The following RCHY1 variants were observed in gnomAD, a reference collection of about 807,000 sequenced individuals.
RCHY1 encodes the protein RING finger and CHY zinc finger domain-containing protein 1.
In RCHY1, 21 loss-of-function variants were observed where a neutral mutation model predicts 41.6. That is an observed-to-expected ratio of 0.51 (90% CI 0.36 to 0.73). The LOEUF is 0.73. Among genes scored for constraint, RCHY1 ranks in the 30% least tolerant of loss-of-function variants. The pLI is 0.00. For synonymous variants in RCHY1, 79 were observed against 102.9 expected, an observed-to-expected ratio of 0.77 and a Z score of 1.41; for missense variants, 265 against 325.3, an observed-to-expected ratio of 0.81 and a Z score of 1.43.
chr4:75,487,757 A>AATATATATATTC (rs1274999285), intron 8 of RCHY1, among the ~76,000 whole-genome samples: 2 of 29,180 alleles, frequency 6.9e-5, no homozygotes. Context: ...ATATATTCAT[A>AATATATATATTC]ATATATATAT....
intron 3 of RCHY1, among the ~76,000 whole-genome samples, chr4:75,498,386 A>T (rs1723419045): frequency 6.6e-6 from 1 of 151,638 alleles, no homozygotes; most frequent in East Asian, 1.9e-4. Flanking sequence ...ATTATAGCAA[A>T]CATTTAAAGA....
chr4:75,485,501 C>G (rs1444532091), intron 8 of RCHY1, among the ~76,000 whole-genome samples: 4 of 151,996 alleles, frequency 2.6e-5, no homozygotes, highest in African/African-American at 9.7e-5. Flanking sequence ...TAAGTCATAC[C>G]TTTGTTTAAG....
intron 3 of RCHY1, among the ~76,000 whole-genome samples, chr4:75,495,690 T>A (rs995345415): frequency 1.3e-5 from 2 of 152,066 alleles, no homozygotes; most frequent in African/African-American, 2.4e-5. Flanking sequence ...CAACTCAGAT[T>A]TATTTCCATG....
At position 75,491,771 on chromosome 4, in the gene RCHY1, T is replaced by A. The variant is rs1441371125; in HGVS notation, c.462A>T (p.Thr154=). The change falls in exon 6 of 9, where the codon ACA becomes ACT. Residue 154 remains threonine (T), a synonymous_variant. Transcript: ENST00000324439. The stretch of plus-strand genomic sequence containing the variant: ...GCAAGACATGAGCAACAACACGGGA[T>A]GTGTGAATGTCCTGTAAATGAAATA... The part of the protein sequence containing the change: ...NCPICLEDIH[T]SRVVAHVLPC... 3 of 1,612,766 alleles carry A rather than the reference T, an allele frequency of 1.9e-6. No individual in the cohort carries two copies. Among genetic ancestry groups the A allele is most frequent in the African/African-American group, 2.7e-5 (2 of 74,878 alleles).
intron 1 of RCHY1, among the ~76,000 whole-genome samples, chr4:75,512,794 TC>T (rs1350577549): frequency 6.6e-6 from 1 of 151,406 alleles, no homozygotes; most frequent in Non-Finnish European, 1.5e-5. Context: ...AGTGACCTCT[TC>T]CTTGCCAAAT....
chr4:75,506,970 A>G lies in RCHY1; in HGVS notation c.326+1850T>C, dbSNP rs555132206. Reference sequence around the variant, plus strand: ...TTTAAACAGAAACCATGGAATCAGAATATCTTTAAAGTGTTGGGAGGTCAG... The same window carrying G: ...TTTAAACAGAAACCATGGAATCAGAGTATCTTTAAAGTGTTGGGAGGTCAG... On this transcript the variant is annotated intron_variant, in intron 3 of 8. Coordinates refer to ENST00000324439, the MANE Select transcript of RCHY1 (RefSeq NM_015436.4). Among the ~76,000 whole-genome samples the G allele has an allele frequency of 1.2e-4, 19 of 152,268 alleles. No homozygotes were observed. The South Asian group carries it at 3.3e-3, about 27-fold the overall frequency.
rs757860531 is a variant in RCHY1 at position 75,491,892 on chromosome 4, C to T, written c.447G>A (p.Leu149=). 4 of 1,608,912 alleles carry T rather than the reference C, an allele frequency of 2.5e-6. No individual in the cohort carries two copies. In the Admixed American group the frequency reaches 6.8e-5, roughly 27 times the overall value. Residue 149 remains leucine, a synonymous_variant, in exon 5 of 9, where the codon TTG becomes TTA. Transcript: ENST00000324439. The part of the protein sequence containing the change: ...NVSRQNCPIC[L]EDIHTSRVVA... ...GTAAAAAATATTTTAAGCCTACCTC[C>T]AAACATATTGGACAATTCTGTCGGG...
In RCHY1 at chr4:75,514,243, C is replaced by A. The variant is rs751752686; in HGVS notation, c.44G>T (p.Arg15Leu). Reference protein sequence around the residue: ...AREDGASGQERGQRGCEHYDR... With the variant: ...AREDGASGQELGQRGCEHYDR... ...ATAGTGCTCGCAGCCCCGCTGACCT[C>A]GCTCTTGACCGCTGGCGCCATCTTC... is the stretch of plus-strand genomic sequence containing the variant. The change falls in exon 1 of 9, where the codon CGA (arginine) becomes CTA (leucine). Residue 15 changes from arginine to leucine, a missense_variant. Transcript: ENST00000324439. 3.1e-6 allele frequency: 5 copies of A among 1,612,894 alleles called. No individual in the cohort carries two copies. In the African/African-American group the frequency reaches 4.0e-5, roughly 13 times the overall value.
At chr4:75,486,713 T>TA (rs907343737) in intron 8 of RCHY1, among the ~76,000 whole-genome samples, 2 of 152,026 alleles carry the variant, frequency 1.3e-5, no homozygotes, top group Non-Finnish European at 2.9e-5. Flanking sequence ...GGCATGTATT[T>TA]AAAAAAATTC....
At chr4:75,492,991 T>C (rs1018001599) in intron 4 of RCHY1, among the ~76,000 whole-genome samples, 4 of 152,058 alleles carry the variant, frequency 2.6e-5, no homozygotes, top group Non-Finnish European at 5.9e-5. Context: ...CAGTGGCATC[T>C]CTGAGTTGAT....
In RCHY1 at chr4:75,509,087, A is replaced by T. The variant is rs1008650223; in HGVS notation, c.210+90T>A. On this transcript the variant is annotated intron_variant, in intron 2 of 8. Transcript: ENST00000324439. ...ATATTGCTTATTCTAGAAGTTAAAG[A>T]AATCTTATTTATGATACTTTTGATT... 1.8e-5 allele frequency: 24 copies of T among 1,342,406 alleles called. 1 individual carries two copies. The Middle Eastern group carries it at 3.0e-3, about 169-fold the overall frequency. The allele number at this position is 1,342,406 out of a possible 1,614,324, so 83.2% of individuals were successfully genotyped here.
chr4:75,495,991 T>C (rs1723171446), intron 3 of RCHY1, among the ~76,000 whole-genome samples: 1 of 152,148 alleles, frequency 6.6e-6, no homozygotes, highest in East Asian at 1.9e-4. Flanking sequence ...TTTTGATATG[T>C]GGAACGGCAA....
intron 8 of RCHY1, among the ~76,000 whole-genome samples, chr4:75,487,528 A>AATATAT (rs376115200): frequency 6.3e-4 from 46 of 72,734 alleles, no homozygotes; most frequent in Admixed American, 6.4e-4. Context: ...ATATATTCAT[A>AATATAT]ATATATTCAT....
chr4:75,484,903 G>T (rs935865424), intron 8 of RCHY1, among the ~76,000 whole-genome samples: 2 of 151,896 alleles, frequency 1.3e-5, no homozygotes, highest in Non-Finnish European at 1.5e-5. Context: ...GAAAATGAGG[G>T]CTCCCAAATT....
intron 3 of RCHY1, 52 bp downstream of exon 3, chr4:75,508,768 T>C: frequency 4.0e-6 from 4 of 1,009,972 alleles, no homozygotes; most frequent in Non-Finnish European, 5.9e-6. Context: ...TTAAAAACTA[T>C]TATTGCATAT....
Position 75,514,186 on chromosome 4 carries a change from G to C in RCHY1, c.90+11C>G, listed in dbSNP as rs1468924201. On this transcript the variant is annotated intron_variant, in intron 1 of 8. Coordinates refer to ENST00000324439, the MANE Select transcript of RCHY1 (RefSeq NM_015436.4). ...GAAGCTTGTCAGGGAAGAGTCCATAGAAGGCGTCACCTTTAGGAGACATCC... is the reference window on the plus strand; with the variant it reads ...GAAGCTTGTCAGGGAAGAGTCCATACAAGGCGTCACCTTTAGGAGACATCC... The C allele has an allele frequency of 6.2e-7, 1 of 1,606,220 alleles. No homozygotes were observed. Among genetic ancestry groups the C allele is most frequent in the African/African-American group, 1.3e-5 (1 of 74,816 alleles).
intron 4 of RCHY1, among the ~76,000 whole-genome samples, chr4:75,492,374 T>A (rs1209670723): frequency 6.6e-6 from 1 of 152,016 alleles, no homozygotes; most frequent in Non-Finnish European, 1.5e-5. Flanking sequence ...GCACAGTACC[T>A]GTATAAGATC....
At chr4:75,504,449 A>G (rs1724104537) in intron 3 of RCHY1, among the ~76,000 whole-genome samples, 2 of 152,188 alleles carry the variant, frequency 1.3e-5, no homozygotes, top group African/African-American at 2.4e-5. Context: ...TGAACAGTTA[A>G]CATATTTTCT....
At chr4:75,490,897 ACTAAGT>A in intron 7 of RCHY1, 196 bp from the exon 8 acceptor site, 1 of 437,170 alleles carries the variant, frequency 2.3e-6, no homozygotes, top group Non-Finnish European at 4.0e-6. Flanking sequence ...CTTATTTAAA[ACTAAGT>A]CTTTTTCCTC....
Sources: allele counts gnomAD v4.1 joint callset (sites outside exome capture counted in the v4.1 genomes callset), GRCh38; gene constraint gnomAD v4.1.1; transcripts MANE v1.5; gene names NCBI Gene and HGNC (gene_info 2026-07-23, HGNC 2026-07-21).